SYT1: variants seen among roughly 807,000 people sequenced by gnomAD.
The protein encoded by SYT1 is synaptotagmin 1.
Under a neutral mutation model 44.8 loss-of-function variants are expected in SYT1, and 8 were observed. The ratio of observed to expected loss-of-function variants is 0.18; its 90% CI spans 0.10 to 0.32. The LOEUF is 0.32. SYT1 is among the 10% of genes least tolerant of loss of function. The pLI is 1.00. For synonymous variants in SYT1, 154 were observed against 188.8 expected (o/e 0.82, Z 1.51); for missense variants, 286 against 509.3 (o/e 0.56, Z 4.22).
At position 79,082,307 on chromosome 12, in the gene SYT1, A is replaced by G. The variant is rs149185800; in HGVS notation, c.-18+34945A>G. On this transcript the variant is annotated intron_variant, in intron 3 of 10. Transcript: ENST00000261205. Reference sequence around the variant, plus strand: ...CTTAGAGACCCATCTCCCACTCAACAGTCTGCAAGAAGTAGCTTCAATAAA... The same window carrying G: ...CTTAGAGACCCATCTCCCACTCAACGGTCTGCAAGAAGTAGCTTCAATAAA... Among the ~76,000 whole-genome samples, 123 of 152,318 alleles carry G rather than the reference A, an allele frequency of 8.1e-4. 1 individual carries two copies. The East Asian group carries it at 0.012, about 15-fold the overall frequency.
intron 9 of SYT1, among the ~76,000 whole-genome samples, chr12:79,379,478 A>G (rs1884131756): frequency 6.6e-6 from 1 of 152,188 alleles, no homozygotes. Flanking sequence ...AATCTCAAAG[A>G]GCAGTCTGTG....
chr12:79,087,058 G>A lies in SYT1; in HGVS notation c.-18+39696G>A, dbSNP rs1006207175. Among the ~76,000 whole-genome samples the A allele has an allele frequency of 2.6e-5, 4 of 152,224 alleles. 1 individual carries two copies. Among genetic ancestry groups the A allele is most frequent in the East Asian group, 3.9e-4 (2 of 5,176 alleles). ...CAGAAACAAATGAAAAACTGAAACCGAGTCTGCAGCGTTACCTTCACAGCT... is the reference window on the plus strand; with the variant it reads ...CAGAAACAAATGAAAAACTGAAACCAAGTCTGCAGCGTTACCTTCACAGCT... On this transcript the variant is annotated intron_variant, in intron 3 of 10. Transcript: ENST00000261205.
At chr12:79,008,352 G>A (rs2137559938) in intron 2 of SYT1, among the ~76,000 whole-genome samples, 1 of 152,202 alleles carries the variant, frequency 6.6e-6, no homozygotes, top group Middle Eastern at 3.4e-3. Flanking sequence ...GATGAAATAG[G>A]CATGACCACA....
intron 3 of SYT1, among the ~76,000 whole-genome samples, chr12:79,097,876 G>A (rs963533400): frequency 2.0e-5 from 3 of 151,936 alleles, no homozygotes; most frequent in Non-Finnish European, 4.4e-5. Context: ...TAGTTTCTTC[G>A]CCTTCTTTAG....
intron 1 of SYT1, among the ~76,000 whole-genome samples, chr12:78,959,007 G>C (rs1827907670): frequency 6.6e-6 from 1 of 152,000 alleles, no homozygotes; most frequent in Non-Finnish European, 1.5e-5. Context: ...CAAACTGATA[G>C]AAAGCTGTCA....
intron 1 of SYT1, among the ~76,000 whole-genome samples, chr12:78,963,686 G>T (rs1285800593): frequency 6.6e-6 from 1 of 152,106 alleles, no homozygotes; most frequent in African/African-American, 2.4e-5. Context: ...ATGCTGGCAA[G>T]GTTGTGGAGA....
intron 1 of SYT1, among the ~76,000 whole-genome samples, chr12:78,883,595 T>C (rs560076536): frequency 2.0e-5 from 3 of 151,722 alleles, no homozygotes; most frequent in South Asian, 4.1e-4. Flanking sequence ...CATTTTGTCA[T>C]GGACAATTAA....
chr12:79,374,721 G>T (rs942598274), intron 9 of SYT1, among the ~76,000 whole-genome samples: 1 of 152,156 alleles, frequency 6.6e-6, no homozygotes, highest in Non-Finnish European at 1.5e-5. Context: ...CAAAAGTATG[G>T]AATCACATAT....
chr12:78,958,700 GAA>G (rs538473382), intron 1 of SYT1, among the ~76,000 whole-genome samples: 1 of 141,866 alleles, frequency 7.0e-6, no homozygotes, highest in African/African-American at 2.6e-5. Flanking sequence ...TTTCTGAAGA[GAA>G]AAAAAAAAAA....
In SYT1 at chr12:79,440,791, G is replaced by A. The variant is rs576218463; in HGVS notation, c.929-3282G>A. ...TCTTTGCTTTAGAATTTTTAAAATT[G>A]TATTCTTAAAGCACAAATGTGACTC... On this transcript the variant is annotated intron_variant, in intron 9 of 10. Transcript: ENST00000261205. Among the ~76,000 whole-genome samples, 8 of 152,272 alleles carry A rather than the reference G, an allele frequency of 5.3e-5. No individual in the cohort carries two copies. In the South Asian group the frequency reaches 1.7e-3, roughly 32 times the overall value.
chr12:79,100,825 TATA>T, intron 3 of SYT1, among the ~76,000 whole-genome samples: 1 of 152,248 alleles, frequency 6.6e-6, no homozygotes, highest in East Asian at 1.9e-4. Flanking sequence ...CACATAAATG[TATA>T]ATAACTGTTT....
chr12:79,201,924 T>G (rs756910639), intron 3 of SYT1, among the ~76,000 whole-genome samples: 26 of 152,146 alleles, frequency 1.7e-4, no homozygotes, highest in Non-Finnish European at 3.2e-4. Flanking sequence ...AATATCAAAT[T>G]ATTGATCAGT....
At chr12:79,335,920 T>C (rs1882071571) in intron 8 of SYT1, among the ~76,000 whole-genome samples, 1 of 152,214 alleles carries the variant, frequency 6.6e-6, no homozygotes, top group Admixed American at 6.5e-5. Flanking sequence ...TACTTATGTT[T>C]CCCTATCCTA....
chr12:78,955,567 G>A (rs35292580), intron 1 of SYT1: 21,629 of 152,022 alleles, frequency 0.14, 1,888 homozygotes, highest in East Asian at 0.3. Flanking sequence ...CACAGAAGGG[G>A]TAAGCAAGCT....
rs558080512 is a variant in SYT1 at position 79,200,990 on chromosome 12, T to G, written c.-17-16513T>G. Reference sequence around the variant, plus strand: ...GGAAATGTATTTTGGAATCAGAGGGTTATCACATGGGTCAGCCCATCATTT... The same window carrying G: ...GGAAATGTATTTTGGAATCAGAGGGGTATCACATGGGTCAGCCCATCATTT... On this transcript the variant is annotated intron_variant, in intron 3 of 10. Transcript: ENST00000261205. 7.2e-3 allele frequency among the ~76,000 whole-genome samples: 1,092 copies of G among 152,212 alleles called. 5 individuals are homozygous for G. Among genetic ancestry groups the G allele is most frequent in the Middle Eastern group, 0.038 (11 of 290 alleles).
At chr12:79,424,545 T>C (rs1869319296) in intron 9 of SYT1, among the ~76,000 whole-genome samples, 1 of 152,160 alleles carries the variant, frequency 6.6e-6, no homozygotes, top group Non-Finnish European at 1.5e-5. Flanking sequence ...ATGGCTGTAT[T>C]GATTTCTCAG....
intron 3 of SYT1, among the ~76,000 whole-genome samples, chr12:79,096,706 A>G (rs983109422): frequency 2.0e-5 from 3 of 152,142 alleles, no homozygotes; most frequent in Middle Eastern, 3.4e-3. Flanking sequence ...GATTGGAAGG[A>G]AGAATCATGA....
At chr12:79,305,391 C>T (rs1460845139) in intron 8 of SYT1, among the ~76,000 whole-genome samples, 2 of 152,164 alleles carry the variant, frequency 1.3e-5, no homozygotes, top group East Asian at 3.9e-4. Context: ...TTCCTTGTCA[C>T]AGTGATAACC....
At chr12:78,875,849 T>A (rs1874039218) in intron 1 of SYT1, among the ~76,000 whole-genome samples, 1 of 151,710 alleles carries the variant, frequency 6.6e-6, no homozygotes, top group South Asian at 2.1e-4. Flanking sequence ...CAGTTTTATC[T>A]TCGGAAGAGT....
Sources: gnomAD v4.1 joint callset for allele counts (sites outside exome capture counted in the v4.1 genomes callset) on GRCh38, gnomAD v4.1.1 for gene constraint, MANE v1.5 for transcripts, NCBI Gene and HGNC (gene_info 2026-07-23, HGNC 2026-07-21) for gene names.